UVRAG: variants seen among roughly 807,000 people sequenced by gnomAD.
UVRAG encodes UV radiation resistance-associated gene protein.
In UVRAG, 19 loss-of-function variants were observed where a neutral mutation model predicts 78.0. The ratio of observed to expected loss-of-function variants is 0.24; its 90% CI spans 0.17 to 0.36. UVRAG has a LOEUF of 0.36. Ranked by LOEUF, UVRAG falls within the 10% of genes least tolerant of loss-of-function variation. The pLI is 1.00. For synonymous variants in UVRAG, 323 were observed against 324.6 expected (o/e 1.00, Z 0.05); for missense variants, 740 against 853.8 (o/e 0.87, Z 1.66).
chr11:75,994,409 G>A (rs1046628767), intron 8 of UVRAG, among the ~76,000 whole-genome samples: 3 of 152,120 alleles, frequency 2.0e-5, no homozygotes, highest in African/African-American at 7.2e-5. Flanking sequence ...CAGACAATTA[G>A]CAGCAAAGTT....
At chr11:76,082,260 G>A (rs1951509051) in intron 13 of UVRAG, among the ~76,000 whole-genome samples, 1 of 152,088 alleles carries the variant, frequency 6.6e-6, no homozygotes, top group African/African-American at 2.4e-5. Context: ...ATCATAGGTG[G>A]CTAGGCACGG....
intron 5 of UVRAG, among the ~76,000 whole-genome samples, chr11:75,899,740 C>A (rs554753407): frequency 6.6e-6 from 1 of 152,196 alleles, no homozygotes; most frequent in East Asian, 1.9e-4. Context: ...AGAGAGAACA[C>A]GTGCAAACAC....
intron 6 of UVRAG, among the ~76,000 whole-genome samples, chr11:75,923,013 T>C (rs1948013180): frequency 6.8e-6 from 1 of 147,458 alleles, no homozygotes; most frequent in Non-Finnish European, 1.5e-5. Context: ...CATATATATA[T>C]ATATATATAT....
chr11:75,966,759 G>A (rs1443355121), intron 7 of UVRAG, among the ~76,000 whole-genome samples: 2 of 152,122 alleles, frequency 1.3e-5, no homozygotes, highest in Admixed American at 1.3e-4. Flanking sequence ...TTTTATTTTA[G>A]CAGGTAGTTA....
At chr11:75,886,156 TA>T (rs1279467904) in intron 4 of UVRAG, among the ~76,000 whole-genome samples, 2 of 152,194 alleles carry the variant, frequency 1.3e-5, no homozygotes, top group African/African-American at 2.4e-5. Context: ...ACTTACTTTT[TA>T]ACCCCGTATC....
intron 12 of UVRAG, among the ~76,000 whole-genome samples, chr11:76,034,811 T>TC (rs762457475): frequency 1.2e-4 from 18 of 152,170 alleles, no homozygotes; most frequent in Non-Finnish European, 2.1e-4. Flanking sequence ...CCCATGATGC[T>TC]CATTAGTTAC....
At chr11:75,958,796 G>A (rs889152822) in intron 6 of UVRAG, among the ~76,000 whole-genome samples, 1 of 152,114 alleles carries the variant, frequency 6.6e-6, no homozygotes, top group Non-Finnish European at 1.5e-5. Context: ...GCAACTCTAG[G>A]CTTATGAAAT....
chr11:75,872,961 T>C (rs1946685991), intron 3 of UVRAG, among the ~76,000 whole-genome samples: 1 of 152,182 alleles, frequency 6.6e-6, no homozygotes, highest in African/African-American at 2.4e-5. Flanking sequence ...TAGAAATCCC[T>C]GCCTTTGAGG....
At chr11:75,839,815 G>T (rs865986692) in intron 1 of UVRAG, among the ~76,000 whole-genome samples, 13 of 116,536 alleles carry the variant, frequency 1.1e-4, no homozygotes, top group East Asian at 2.2e-4. Flanking sequence ...GTGTGTTTTT[G>T]TGTGTGTGTG....
At chr11:76,009,247 A>T (rs1057101046) in intron 11 of UVRAG, among the ~76,000 whole-genome samples, 2 of 152,148 alleles carry the variant, frequency 1.3e-5, no homozygotes, top group African/African-American at 4.8e-5. Context: ...AGAAAGTCAT[A>T]TTACTGCTGA....
At chr11:76,110,025 A>G (rs562706954) in intron 13 of UVRAG, among the ~76,000 whole-genome samples, 2 of 152,184 alleles carry the variant, frequency 1.3e-5, no homozygotes, top group East Asian at 3.9e-4. Flanking sequence ...GAAAATTAGC[A>G]TTTAAAAAAG....
chr11:75,854,328 T>G (rs1946236357), intron 2 of UVRAG, among the ~76,000 whole-genome samples: 1 of 152,232 alleles, frequency 6.6e-6, no homozygotes, highest in Non-Finnish European at 1.5e-5. Context: ...GGATTACTTG[T>G]GGGAGATTTT....
At chr11:75,982,467 T>TCTCA (rs1420600099) in intron 7 of UVRAG, among the ~76,000 whole-genome samples, 25 of 152,284 alleles carry the variant, frequency 1.6e-4, no homozygotes, top group African/African-American at 5.3e-4. Flanking sequence ...TGAAAGTGAC[T>TCTCA]CTCAACTAGG....
intron 1 of UVRAG, among the ~76,000 whole-genome samples, chr11:75,849,493 CAAA>C (rs59733905): frequency 8.9e-6 from 1 of 112,226 alleles, no homozygotes; most frequent in Non-Finnish European, 1.9e-5. Flanking sequence ...GACTCCATCT[CAAA>C]AAAAAAAAAA....
intron 7 of UVRAG, among the ~76,000 whole-genome samples, chr11:75,978,996 T>G (rs1265035307): frequency 6.6e-6 from 1 of 152,214 alleles, no homozygotes; most frequent in Non-Finnish European, 1.5e-5. Context: ...TTTCTCCCCA[T>G]CTTTGTGGTT....
intron 12 of UVRAG, among the ~76,000 whole-genome samples, chr11:76,046,931 A>AC (rs1280630120): frequency 0.014 from 3 of 216 alleles, no homozygotes; most frequent in Non-Finnish European, 0.02. Flanking sequence ...GGCTTGTAGA[A>AC]CATTTTGTTT....
At chr11:76,080,694 G>T (rs941725614) in intron 13 of UVRAG, among the ~76,000 whole-genome samples, 2 of 152,124 alleles carry the variant, frequency 1.3e-5, no homozygotes, top group Non-Finnish European at 2.9e-5. Context: ...CTTTAAAGAG[G>T]CTGGTCAAGC....
chr11:75,838,760 T>A (rs1945842720), intron 1 of UVRAG, among the ~76,000 whole-genome samples: 1 of 152,214 alleles, frequency 6.6e-6, no homozygotes, highest in Non-Finnish European at 1.5e-5. Flanking sequence ...TGAAATTTAG[T>A]CCCCAGTATG....
At chr11:76,126,417 C>T (rs13343169) in intron 14 of UVRAG, among the ~76,000 whole-genome samples, 1 of 152,100 alleles carries the variant, frequency 6.6e-6, no homozygotes, top group Non-Finnish European at 1.5e-5. Context: ...ACTAAGCCTT[C>T]TAAATCCAGT....
Sources: allele counts gnomAD v4.1 joint callset (sites outside exome capture counted in the v4.1 genomes callset), GRCh38; gene constraint gnomAD v4.1.1; transcripts MANE v1.5; gene names NCBI Gene and HGNC (gene_info 2026-07-23, HGNC 2026-07-21).